ATP12A: variants seen among roughly 807,000 people sequenced by gnomAD.
The protein encoded by ATP12A is potassium-transporting ATPase alpha chain 2.
In ATP12A, 81 loss-of-function variants were observed where a neutral mutation model predicts 111.2. The observed-to-expected ratio is 0.73, with a 90% confidence interval of 0.61 to 0.88. The LOEUF is 0.88. Among genes scored for constraint, ATP12A ranks in the 40% least tolerant of loss-of-function variants. ATP12A has a pLI of 0.00. For missense variants in ATP12A, 1,196 were observed against 1,313.1 expected (o/e 0.91, Z 1.38); for synonymous variants, 498 against 499.8 (o/e 1.00, Z 0.05).
chr13:24,695,215 A>G (rs1875090216), intron 11 of ATP12A, among the ~76,000 whole-genome samples: 1 of 152,234 alleles, frequency 6.6e-6, no homozygotes, highest in Non-Finnish European at 1.5e-5. Flanking sequence ...CCATGGGAGC[A>G]AGCCCTGCCC....
intron 17 of ATP12A, among the ~76,000 whole-genome samples, chr13:24,708,912 A>AG (rs1491265536): frequency 8.9e-6 from 1 of 111,796 alleles, no homozygotes; most frequent in African/African-American, 3.9e-5. Flanking sequence ...AAAGAAAGAA[A>AG]GAAAGAAAGA....
intron 20 of ATP12A, 30 bp from the exon 21 acceptor site, chr13:24,710,762 C>T (rs1875930708): frequency 7.4e-6 from 12 of 1,611,094 alleles, no homozygotes; most frequent in Non-Finnish European, 1.0e-5. Context: ...ACAAGAATCC[C>T]AAGTCTGTCT....
Position 24,711,860 on chromosome 13 carries a change from C to T in ATP12A, c.*338C>T. 2.6e-6 allele frequency: 1 copy of T among 377,512 alleles called. No individual in the cohort carries two copies. Among genetic ancestry groups the T allele is most frequent in the South Asian group, 2.5e-5 (1 of 39,864 alleles). The allele number at this position is 377,512 out of a possible 1,614,324, so 23.4% of individuals were successfully genotyped here. On this transcript the variant is annotated 3_prime_UTR_variant, in exon 23 of 23. Coordinates refer to ENST00000381946, the MANE Select transcript of ATP12A (RefSeq NM_001676.7). The stretch of plus-strand genomic sequence containing the variant: ...AACCCAGGCATCTACTGGGGCCTGC[C>T]TTAAGCTCTAGCTAGGATTGCTCAG...
At position 24,683,372 on chromosome 13, in the gene ATP12A, C is replaced by T. The variant is rs534255409; in HGVS notation, c.168+1652C>T. On this transcript the variant is annotated intron_variant, in intron 2 of 22. Coordinates refer to ENST00000381946, the MANE Select transcript of ATP12A (RefSeq NM_001676.7). ...GAGCTTGAGATGGGCTGGATTGTCC[C>T]CACCGTCCTTGGCAGATCTTAAAGC... 2.1e-3 allele frequency among the ~76,000 whole-genome samples: 322 copies of T among 152,302 alleles called. 5 individuals are homozygous for T. Among genetic ancestry groups the T allele is most frequent in the African/African-American group, 7.5e-3 (313 of 41,562 alleles).
chr13:24,711,488 C>T lies in ATP12A; in HGVS notation c.3092-6C>T, dbSNP rs1384822411. 1 of 1,614,188 alleles carries T rather than the reference C, an allele frequency of 6.2e-7. No individual in the cohort carries two copies. The highest frequency in any genetic ancestry group is 8.5e-7 in the Non-Finnish European group (1 of 1,180,030). ...ATTTCTGATGTACTTTTTTCTACCT[C>T]TACAGGCTGGTGGGATAAGAACATG... is the stretch of plus-strand genomic sequence containing the variant. On this transcript the variant is annotated splice_region_variant and splice_polypyrimidine_tract_variant and intron_variant, in intron 22 of 22. Coordinates refer to ENST00000381946, the MANE Select transcript of ATP12A (RefSeq NM_001676.7).
Position 24,706,425 on chromosome 13 carries a change from C to A in ATP12A, c.2131C>A (p.Gln711Lys), listed in dbSNP as rs61998252. 8.9e-3 allele frequency: 14,405 copies of A among 1,614,194 alleles called. 95 individuals carry two copies. Among genetic ancestry groups the A allele is most frequent in the Middle Eastern group, 0.018 (110 of 6,062 alleles). ...QEIVFARTSPQQKLIIVEGCQ... is the reference protein window; with the variant it reads ...QEIVFARTSPKQKLIIVEGCQ... ...GATTGTCTTTGCCCGGACATCCCCC[C>A]AGCAGAAGCTGATCATTGTGGAGGG... is the stretch of plus-strand genomic sequence containing the variant. The change falls in exon 15 of 23, where the codon CAG (glutamine) becomes AAG (lysine). Residue 711 changes from glutamine (Q) to lysine (K), a missense_variant. Physicochemically the swap from Gln to Lys is moderately conservative, Grantham distance 53. Coordinates refer to ENST00000381946, the MANE Select transcript of ATP12A (RefSeq NM_001676.7).
At chr13:24,699,650 G>A (rs1180212985) in intron 12 of ATP12A, among the ~76,000 whole-genome samples, 1 of 152,218 alleles carries the variant, frequency 6.6e-6, no homozygotes, top group East Asian at 1.9e-4. Context: ...CAGTGATGCA[G>A]ACAAAGTGTC....
rs1005294493 is a variant in ATP12A at position 24,700,814 on chromosome 13, G to A, written c.1773G>A (p.Met591Ile). ...PETYSFDIDAMNFPTSNLCFV... is the reference protein window; with the variant it reads ...PETYSFDIDAINFPTSNLCFV... ...CCTACTCATTTGACATAGACGCTAT[G>A]AACTTTCCGACCTCCAACCTCTGTT... Residue 591 changes from methionine (M) to isoleucine (I), a missense_variant, in exon 13 of 23, where the codon ATG becomes ATA. Physicochemically the swap from Met to Ile is conservative, Grantham distance 10. Transcript: ENST00000381946. 11 of 1,614,070 alleles carry A rather than the reference G, an allele frequency of 6.8e-6. No individual in the cohort carries two copies. The highest frequency in any genetic ancestry group is 8.5e-6 in the Non-Finnish European group (10 of 1,180,022).
intron 1 of ATP12A, among the ~76,000 whole-genome samples, 162 bp downstream of exon 1, chr13:24,680,914 A>C (rs61948065): frequency 0.13 from 20,427 of 152,268 alleles, 1,430 homozygotes; most frequent in Middle Eastern, 0.2. Flanking sequence ...CGGCCTGGGC[A>C]CCGCTTCTCT....
At chr13:24,681,353 T>G (rs1484693835) in intron 1 of ATP12A, among the ~76,000 whole-genome samples, 1 of 151,554 alleles carries the variant, frequency 6.6e-6, no homozygotes, top group Non-Finnish European at 1.5e-5. Flanking sequence ...CCACCCCGCC[T>G]CCCCTCTACA....
chr13:24,694,861 TCA>T (rs773803839), intron 11 of ATP12A, among the ~76,000 whole-genome samples: 139 of 42,032 alleles, frequency 3.3e-3, no homozygotes, highest in African/African-American at 8.3e-3. Flanking sequence ...TCTCTCTCTC[TCA>T]CACACACACA....
intron 10 of ATP12A, 129 bp from the exon 11 acceptor site, chr13:24,694,315 C>T (rs2137701942): frequency 1.6e-6 from 2 of 1,234,278 alleles, no homozygotes; most frequent in Non-Finnish European, 2.3e-6. Context: ...GCGGCCCTCC[C>T]TGATCACGTG....
In ATP12A at chr13:24,690,666, T is replaced by A. The variant is rs1165904795; in HGVS notation, c.744T>A (p.His248Gln). The change falls in exon 7 of 23, where the codon CAT becomes CAA. Residue 248 changes from histidine (H) to glutamine (Q), a missense_variant. Transcript: ENST00000381946. ...EPQPRSSEFT[H>Q]ENPLETKNIC... ...AGCCCCGCTCCTCTGAGTTTACCCA[T>A]GAAAACCCCCTGGAAACAAAGAACA... 6.2e-7 allele frequency: 1 copy of A among 1,613,976 alleles called. No homozygotes were observed.
At chr13:24,689,033 G>A in intron 4 of ATP12A, among the ~76,000 whole-genome samples, 1 of 152,114 alleles carries the variant, frequency 6.6e-6, no homozygotes, top group Admixed American at 6.5e-5. Context: ...GGGATCTCCA[G>A]GCAGGATGGA....
intron 11 of ATP12A, among the ~76,000 whole-genome samples, chr13:24,696,939 G>A (rs937922983): frequency 6.6e-6 from 1 of 152,188 alleles, no homozygotes; most frequent in African/African-American, 2.4e-5. Flanking sequence ...TGATTAGAAT[G>A]GTGATGCCCC....
intron 3 of ATP12A, 130 bp from the exon 4 acceptor site, chr13:24,688,189 C>T (rs1358344337): frequency 1.7e-5 from 17 of 999,344 alleles, no homozygotes; most frequent in East Asian, 1.2e-4. Flanking sequence ...CTGCTTTTCT[C>T]GGGACCTTCT....
chr13:24,691,153 T>C lies in ATP12A; in HGVS notation c.971T>C (p.Ile324Thr). 6.2e-7 allele frequency: 1 copy of C among 1,614,204 alleles called. No individual in the cohort carries two copies. Among genetic ancestry groups the C allele is most frequent in the East Asian group, 2.2e-5 (1 of 44,872 alleles). The change falls in exon 8 of 23, where the codon ATC becomes ACC. Residue 324 changes from isoleucine (I) to threonine (T), a missense_variant. Transcript: ENST00000381946. ...TCCATCGGCATCCTTTTCTTCATCA[T>C]CGCTGTGTCCCTGAAGTATCAAGTC... is the stretch of plus-strand genomic sequence containing the variant. ...AVSIGILFFIIAVSLKYQVLD... is the reference protein window; with the variant it reads ...AVSIGILFFITAVSLKYQVLD...
rs1407395363 is a variant in ATP12A, at chr13:24,710,320, C to T, written c.2764-140C>T. On this transcript the variant is annotated intron_variant, in intron 19 of 22. Transcript: ENST00000381946. ...GCTGGTTCAAGAAAGAAAAATGTTT[C>T]TTTCCAAACACTAGAAGGTGGTCCA... 5 of 1,046,652 alleles carry T rather than the reference C, an allele frequency of 4.8e-6. No homozygotes were observed. The African/African-American group carries it at 6.4e-5, about 13-fold the overall frequency. 64.8% of individuals were successfully genotyped at this position (1,046,652 alleles called of 1,614,324 possible).
At chr13:24,691,723 A>G (rs1287753550) in intron 8 of ATP12A, among the ~76,000 whole-genome samples, 1 of 152,006 alleles carries the variant, frequency 6.6e-6, no homozygotes, top group Non-Finnish European at 1.5e-5. Context: ...GTATGGGCCC[A>G]TGTCATTCAG....
Sources: allele counts gnomAD v4.1 joint callset (sites outside exome capture counted in the v4.1 genomes callset), GRCh38; gene constraint gnomAD v4.1.1; transcripts MANE v1.5; gene names NCBI Gene and HGNC (gene_info 2026-07-23, HGNC 2026-07-21).